Variants in RASL11A observed in about 807,000 individuals in gnomAD.
RASL11A encodes RAS like family 11 member A, also known as ras-like protein family member 11A.
Under a neutral mutation model 17.1 loss-of-function variants are expected in RASL11A, and 14 were observed. That is an observed-to-expected ratio of 0.82 (90% CI 0.54 to 1.28). The LOEUF is 1.28. Ranked by LOEUF, RASL11A falls within the 50% of genes most tolerant of loss-of-function variation. RASL11A has a pLI of 0.00. For synonymous variants in RASL11A, 146 were observed against 132.5 expected (o/e 1.10, Z -0.70); for missense variants, 283 against 312.3 (o/e 0.91, Z 0.71).
At chr13:27,271,158 A>T (rs1882269802) in intron 1 of RASL11A, 90 bp downstream of exon 1, 2 of 1,487,024 alleles carry the variant, frequency 1.3e-6, no homozygotes, top group Non-Finnish European at 1.8e-6. Flanking sequence ...GCCTCGGCCG[A>T]AGCAGAGGGC....
At position 27,273,115 on chromosome 13, in the gene RASL11A, A is replaced by G. The variant is rs374287525; in HGVS notation, c.350A>G (p.Asp117Gly). Residue 117 changes from aspartate to glycine, a missense_variant, in exon 4 of 4, where the codon GAC becomes GGC. Physicochemically the swap from Asp to Gly is moderately conservative, Grantham distance 94. Coordinates refer to ENST00000241463, the MANE Select transcript of RASL11A (RefSeq NM_206827.2). ...EGFLLVYSIT[D>G]YDSYLSIRPL... ...TTTCTGCTGGTCTATTCCATCACAGACTATGACAGCTACTTGTCCATCCGA... is the reference window on the plus strand; with the variant it reads ...TTTCTGCTGGTCTATTCCATCACAGGCTATGACAGCTACTTGTCCATCCGA... 8 of 1,613,982 alleles carry G rather than the reference A, an allele frequency of 5.0e-6. No individual in the cohort carries two copies. The highest frequency in any genetic ancestry group is 1.7e-5 in the Admixed American group (1 of 59,992).
chr13:27,273,970 A>G lies in RASL11A; in HGVS notation c.*476A>G, dbSNP rs561113331. On this transcript the variant is annotated 3_prime_UTR_variant, in exon 4 of 4. Transcript: ENST00000241463. ...TAACGGCAGGAGGTCTTTAAATGGG[A>G]CACTGCCACCAGTCATGAAATTGAC... Among the ~76,000 whole-genome samples, 6 of 152,042 alleles carry G rather than the reference A, an allele frequency of 3.9e-5. No homozygotes were observed. In the East Asian group the frequency reaches 1.2e-3, roughly 29 times the overall value.
Position 27,273,061 on chromosome 13 carries a change from T to C in RASL11A, c.296T>C (p.Leu99Pro). Residue 99 changes from leucine to proline, a missense_variant, in exon 4 of 4, where the codon CTG becomes CCG. Leu to Pro is a moderately conservative substitution (Grantham distance 98, BLOSUM62 -3). Transcript: ENST00000241463. Reference protein sequence around the residue: ...QDSLPQVVDSLSKCVQWAEGF... With the variant: ...QDSLPQVVDSPSKCVQWAEGF... The stretch of plus-strand genomic sequence containing the variant: ...AGCCTCCCCCAGGTCGTCGATTCCC[T>C]GTCCAAATGCGTGCAGTGGGCCGAG... 6.2e-7 allele frequency: 1 copy of C among 1,614,162 alleles called. No homozygotes were observed. The highest frequency in any genetic ancestry group is 8.5e-7 in the Non-Finnish European group (1 of 1,179,970).
intron 3 of RASL11A, among the ~76,000 whole-genome samples, chr13:27,272,737 T>C (rs1882332831): frequency 6.6e-6 from 1 of 152,206 alleles, no homozygotes; most frequent in African/African-American, 2.4e-5. Context: ...CCATTCTGGT[T>C]TGAGGTCATT....
rs774803111 is a variant in RASL11A, at chr13:27,273,302, C to G, written c.537C>G (p.Ser179Arg). ...LGSLFLEIST[S>R]ENYEDVCDVF... ...GCCTGTTCCTTGAAATTTCCACTAGCGAAAACTACGAAGATGTCTGTGATG... is the reference window on the plus strand; with the variant it reads ...GCCTGTTCCTTGAAATTTCCACTAGGGAAAACTACGAAGATGTCTGTGATG... Residue 179 changes from serine to arginine, a missense_variant, in exon 4 of 4, where the codon AGC becomes AGG. Physicochemically the swap from Ser to Arg is moderately radical, Grantham distance 110. Coordinates refer to ENST00000241463, the MANE Select transcript of RASL11A (RefSeq NM_206827.2). 1 of 1,614,058 alleles carries G rather than the reference C, an allele frequency of 6.2e-7. No homozygotes were observed. Among genetic ancestry groups the G allele is most frequent in the Non-Finnish European group, 8.5e-7 (1 of 1,180,036 alleles).
At position 27,275,052 on chromosome 13, in the gene RASL11A, T is replaced by G. The variant is rs1882446159; in HGVS notation, c.*1558T>G. On this transcript the variant is annotated 3_prime_UTR_variant, in exon 4 of 4. Coordinates refer to ENST00000241463, the MANE Select transcript of RASL11A (RefSeq NM_206827.2). The stretch of plus-strand genomic sequence containing the variant: ...CCAAAAGGACAGCTCTGTCCAGACC[T>G]GTGATGTCAGCACCACTTTTCCCTG... Among the ~76,000 whole-genome samples, 1 of 152,204 alleles carries G rather than the reference T, an allele frequency of 6.6e-6. No individual in the cohort carries two copies.
In RASL11A at chr13:27,270,901, GC is replaced by G; in HGVS notation, c.-41del. On this transcript the variant is annotated 5_prime_UTR_variant, in exon 1 of 4. Transcript: ENST00000241463. ...GCGAGCCGGCTCCGGGTGCGGCGAG[GC>G]CCAGCCCTCTCGGATTGCGCGCCGG... The G allele has an allele frequency of 6.4e-7, 1 of 1,553,842 alleles. No homozygotes were observed. Among genetic ancestry groups the G allele is most frequent in the Non-Finnish European group, 8.7e-7 (1 of 1,149,556 alleles).
At position 27,273,087 on chromosome 13, in the gene RASL11A, G is replaced by A; in HGVS notation, c.322G>A (p.Gly108Ser). Residue 108 changes from glycine to serine, a missense_variant, in exon 4 of 4, where the codon GGT (glycine) becomes AGT (serine). Coordinates refer to ENST00000241463, the MANE Select transcript of RASL11A (RefSeq NM_206827.2). ...SLSKCVQWAE[G>S]FLLVYSITDY... ...GTCCAAATGCGTGCAGTGGGCCGAG[G>A]GTTTTCTGCTGGTCTATTCCATCAC... is the stretch of plus-strand genomic sequence containing the variant. 3 of 1,614,148 alleles carry A rather than the reference G, an allele frequency of 1.9e-6. No homozygotes were observed. Among genetic ancestry groups the A allele is most frequent in the Non-Finnish European group, 2.5e-6 (3 of 1,180,042 alleles).
intron 1 of RASL11A, 61 bp from the exon 2 acceptor site, chr13:27,271,423 G>C (rs1882283000): frequency 6.3e-7 from 1 of 1,599,510 alleles, no homozygotes; most frequent in African/African-American, 1.3e-5. Context: ...GTTTGTCCGA[G>C]GTGCCTGGGT....
In RASL11A at chr13:27,273,689, A is replaced by ATT; in HGVS notation, c.*195_*196insTT. On this transcript the variant is annotated 3_prime_UTR_variant, in exon 4 of 4. Coordinates refer to ENST00000241463, the MANE Select transcript of RASL11A (RefSeq NM_206827.2). ...AATTTTGTTTTGTTTTATTAAAAGA[A>ATT]CTTTTTTTTTTTTTTTTTTTTTTTT... is the stretch of plus-strand genomic sequence containing the variant. The ATT allele has an allele frequency of 3.8e-6, 1 of 261,150 alleles. No individual in the cohort carries two copies. The highest frequency in any genetic ancestry group is 6.8e-6 in the Non-Finnish European group (1 of 146,322). 16.2% of individuals were successfully genotyped at this position (261,150 alleles called of 1,614,324 possible).
rs201702368 is a variant in RASL11A at position 27,271,727 on chromosome 13, C to A, written c.261+9C>A. ...CTCCCGGGGGCGTCCAGGTAAGAACCGCCAGGGGCAAACAGCTCACCCCCA... is the reference window on the plus strand; with the variant it reads ...CTCCCGGGGGCGTCCAGGTAAGAACAGCCAGGGGCAAACAGCTCACCCCCA... On this transcript the variant is annotated intron_variant, in intron 3 of 3. Transcript: ENST00000241463. The A allele has an allele frequency of 6.2e-7, 1 of 1,601,500 alleles. No individual in the cohort carries two copies. Among genetic ancestry groups the A allele is most frequent in the Non-Finnish European group, 8.5e-7 (1 of 1,174,296 alleles).
In RASL11A at chr13:27,273,322, G is replaced by C. The variant is rs149364268; in HGVS notation, c.557G>C (p.Cys186Ser). The change falls in exon 4 of 4, where the codon TGT becomes TCT. Residue 186 changes from cysteine (C) to serine (S), a missense_variant. Coordinates refer to ENST00000241463, the MANE Select transcript of RASL11A (RefSeq NM_206827.2). ...ISTSENYEDVCDVFQHLCKEV... is the reference protein window; with the variant it reads ...ISTSENYEDVSDVFQHLCKEV... ...ACTAGCGAAAACTACGAAGATGTCT[G>C]TGATGTGTTTCAGCATCTCTGCAAA... 92 of 1,613,998 alleles carry C rather than the reference G, an allele frequency of 5.7e-5. No individual in the cohort carries two copies. The highest frequency in any genetic ancestry group is 7.6e-5 in the Non-Finnish European group (90 of 1,179,964).
Position 27,271,731 on chromosome 13 carries a change from A to G in RASL11A, c.261+13A>G, listed in dbSNP as rs773935214. On this transcript the variant is annotated intron_variant, in intron 3 of 3. Coordinates refer to ENST00000241463, the MANE Select transcript of RASL11A (RefSeq NM_206827.2). Reference sequence around the variant, plus strand: ...CGGGGGCGTCCAGGTAAGAACCGCCAGGGGCAAACAGCTCACCCCCACCCG... The same window carrying G: ...CGGGGGCGTCCAGGTAAGAACCGCCGGGGGCAAACAGCTCACCCCCACCCG... 1.9e-6 allele frequency: 3 copies of G among 1,598,486 alleles called. No individual in the cohort carries two copies. Among genetic ancestry groups the G allele is most frequent in the African/African-American group, 1.4e-5 (1 of 73,940 alleles).
intron 1 of RASL11A, 182 bp from the exon 2 acceptor site, chr13:27,271,302 C>T: frequency 4.8e-6 from 7 of 1,459,488 alleles, no homozygotes; most frequent in Non-Finnish European, 6.3e-6. Context: ...GGATGGGGTG[C>T]GGGAGAGGTG....
chr13:27,270,913 C>T lies in RASL11A; in HGVS notation c.-32C>T. On this transcript the variant is annotated 5_prime_UTR_variant, in exon 1 of 4. Transcript: ENST00000241463. ...CGGGTGCGGCGAGGCCCAGCCCTCTCGGATTGCGCGCCGGACCCCGGGACG... is the reference window on the plus strand; with the variant it reads ...CGGGTGCGGCGAGGCCCAGCCCTCTTGGATTGCGCGCCGGACCCCGGGACG... The T allele has an allele frequency of 1.3e-6, 2 of 1,564,606 alleles. No individual in the cohort carries two copies. Among genetic ancestry groups the T allele is most frequent in the Non-Finnish European group, 1.7e-6 (2 of 1,155,474 alleles).
In RASL11A at chr13:27,273,828, C is replaced by A. The variant is rs1226234073; in HGVS notation, c.*334C>A. The A allele has an allele frequency of 4.6e-6, 1 of 217,618 alleles. No individual in the cohort carries two copies. Among genetic ancestry groups the A allele is most frequent in the Non-Finnish European group, 9.1e-6 (1 of 109,994 alleles). 13.5% of individuals were successfully genotyped at this position (217,618 alleles called of 1,614,324 possible). A position where few individuals can be genotyped will look rare whatever the true frequency, so the allele number is the denominator to read the frequency against. On this transcript the variant is annotated 3_prime_UTR_variant, in exon 4 of 4. Transcript: ENST00000241463. ...GTACTTGCACCAGCGCCCAGTGCTG[C>A]TCCATGCTTGCCCTCAGTCTGAACT...
At chr13:27,272,846 T>A (rs773516457) in intron 3 of RASL11A, among the ~76,000 whole-genome samples, 181 bp from the exon 4 acceptor site, 1 of 152,198 alleles carries the variant, frequency 6.6e-6, no homozygotes, top group African/African-American at 2.4e-5. Flanking sequence ...GCAGGGAGTT[T>A]GCCTGGGAAT....
intron 3 of RASL11A, among the ~76,000 whole-genome samples, chr13:27,272,434 A>G (rs1291656701): frequency 6.6e-6 from 1 of 152,172 alleles, no homozygotes; most frequent in East Asian, 1.9e-4. Flanking sequence ...CGCCCGGCCC[A>G]AGCACTGCTG....
In RASL11A at chr13:27,271,633, C is replaced by T. The variant is rs1186320874; in HGVS notation, c.182-6C>T. 1.9e-6 allele frequency: 3 copies of T among 1,614,100 alleles called. No individual in the cohort carries two copies. The highest frequency in any genetic ancestry group is 2.2e-5 in the East Asian group (1 of 44,880). ...ATTAAAAAGCAAACTCTACTTCATT[C>T]TCCAGGCAAGCTGTATTCACGGCTG... On this transcript the variant is annotated splice_polypyrimidine_tract_variant and splice_region_variant and intron_variant, in intron 2 of 3. Coordinates refer to ENST00000241463, the MANE Select transcript of RASL11A (RefSeq NM_206827.2).
Sources: allele counts gnomAD v4.1 joint callset (sites outside exome capture counted in the v4.1 genomes callset), GRCh38; gene constraint gnomAD v4.1.1; transcripts MANE v1.5; gene names NCBI Gene and HGNC (gene_info 2026-07-23, HGNC 2026-07-21).